RALYL: variants seen among roughly 807,000 people sequenced by gnomAD.
The protein encoded by RALYL is RNA-binding Raly-like protein.
Under a neutral mutation model 35.1 loss-of-function variants are expected in RALYL, and 29 were observed. That is an observed-to-expected ratio of 0.83 (90% CI 0.61 to 1.13). The LOEUF is 1.13. Among genes scored for constraint, RALYL ranks in the 50% most tolerant of loss-of-function variants. The pLI is 0.00. For synonymous variants in RALYL, 120 were observed against 127.6 expected (o/e 0.94, Z 0.40); for missense variants, 359 against 360.4 (o/e 1.00, Z 0.03).
intron 1 of RALYL, among the ~76,000 whole-genome samples, chr8:84,428,073 C>T (rs1372081762): frequency 1.2e-4 from 17 of 145,548 alleles, no homozygotes; most frequent in Admixed American, 6.9e-4. Context: ...TGCGCTTGCT[C>T]GCTGTCTCTC....
At chr8:84,309,824 G>T (rs1308635386) in intron 1 of RALYL, among the ~76,000 whole-genome samples, 1 of 152,106 alleles carries the variant, frequency 6.6e-6, no homozygotes, top group Non-Finnish European at 1.5e-5. Flanking sequence ...GTCTCCCATT[G>T]TCACTCAGTC....
At chr8:84,534,345 G>A (rs2059461903) in intron 2 of RALYL, among the ~76,000 whole-genome samples, 1 of 152,186 alleles carries the variant, frequency 6.6e-6, no homozygotes, top group Non-Finnish European at 1.5e-5. Flanking sequence ...TGAAATTTCA[G>A]TACTTTAGTG....
At chr8:84,739,320 G>T (rs1214021042) in intron 2 of RALYL, among the ~76,000 whole-genome samples, 1 of 151,632 alleles carries the variant, frequency 6.6e-6, no homozygotes, top group Admixed American at 6.6e-5. Flanking sequence ...AGCTATCACA[G>T]ATCTTAGCCA....
intron 1 of RALYL, among the ~76,000 whole-genome samples, chr8:84,290,504 G>A (rs1838564398): frequency 6.6e-6 from 1 of 150,896 alleles, no homozygotes. Flanking sequence ...GGAGTGGGGG[G>A]TCACAAGGTG....
In RALYL at chr8:84,356,268, G is replaced by A. The variant is rs76338762; in HGVS notation, c.-24+171844G>A. 2.0e-3 allele frequency among the ~76,000 whole-genome samples: 308 copies of A among 150,362 alleles called. 5 individuals are homozygous for A. The East Asian group carries it at 0.054, about 26-fold the overall frequency. Reference sequence around the variant, plus strand: ...TACATAGGTAATAACCAGGTTTGAAGGTAGGATATTAAATTCAGTTTTGTA... The same window carrying A: ...TACATAGGTAATAACCAGGTTTGAAAGTAGGATATTAAATTCAGTTTTGTA... On this transcript the variant is annotated intron_variant, in intron 1 of 8. Transcript: ENST00000521268.
intron 1 of RALYL, among the ~76,000 whole-genome samples, chr8:84,272,255 G>A (rs1586685738): frequency 6.6e-6 from 1 of 151,982 alleles, no homozygotes; most frequent in Non-Finnish European, 1.5e-5. Context: ...ACTATGCCCA[G>A]CTAATTTTTT....
intron 8 of RALYL, among the ~76,000 whole-genome samples, chr8:84,907,774 CTT>C (rs1846779337): frequency 6.6e-6 from 1 of 152,122 alleles, no homozygotes; most frequent in East Asian, 1.9e-4. Context: ...TTACACTAAA[CTT>C]TAGTTCACTC....
rs899202980 is a variant in RALYL, at chr8:84,748,376, G to A, written c.257-26203G>A. ...ATATGGATGAAAGATGGATAAGATA[G>A]GAGAGTAGCAGCTCAGATGAAAAAT... On this transcript the variant is annotated intron_variant, in intron 2 of 8. Coordinates refer to ENST00000521268, the MANE Select transcript of RALYL (RefSeq NM_173848.7). Among the ~76,000 whole-genome samples the A allele has an allele frequency of 1.2e-4, 18 of 152,010 alleles. 1 individual carries two copies. Among genetic ancestry groups the A allele is most frequent in the Admixed American group, 2.0e-4 (3 of 15,260 alleles).
At chr8:84,184,618 C>G (rs998785916) in intron 1 of RALYL, among the ~76,000 whole-genome samples, 194 bp downstream of exon 1, 1 of 152,098 alleles carries the variant, frequency 6.6e-6, no homozygotes, top group Non-Finnish European at 1.5e-5. Flanking sequence ...GCTTCAGGAT[C>G]GTTTTCTAGA....
chr8:84,214,993 C>A (rs910807947), intron 1 of RALYL, among the ~76,000 whole-genome samples: 1 of 151,948 alleles, frequency 6.6e-6, no homozygotes, highest in African/African-American at 2.4e-5. Context: ...GCAAGCTCCA[C>A]CTCCTGGGTT....
At chr8:84,903,200 C>A (rs1845966495) in intron 8 of RALYL, among the ~76,000 whole-genome samples, 1 of 151,846 alleles carries the variant, frequency 6.6e-6, no homozygotes, top group Non-Finnish European at 1.5e-5. Flanking sequence ...AGTGTAACAC[C>A]AAATCATTTG....
At position 84,534,198 on chromosome 8, in the gene RALYL, G is replaced by A. The variant is rs536121284; in HGVS notation, c.256+4621G>A. On this transcript the variant is annotated intron_variant, in intron 2 of 8. Transcript: ENST00000521268. ...TCTTTCAGTTCTTTGAACAACTTGTGTTCTATCGCCCAACAGGGCCTGTGC... is the reference window on the plus strand; with the variant it reads ...TCTTTCAGTTCTTTGAACAACTTGTATTCTATCGCCCAACAGGGCCTGTGC... 2.3e-4 allele frequency among the ~76,000 whole-genome samples: 35 copies of A among 152,354 alleles called. 1 individual carries two copies. In the South Asian group the frequency reaches 7.0e-3, roughly 31 times the overall value.
At chr8:84,745,891 AAGGACAGCTAGC>A (rs901174395) in intron 2 of RALYL, among the ~76,000 whole-genome samples, 1 of 151,928 alleles carries the variant, frequency 6.6e-6, no homozygotes, top group Non-Finnish European at 1.5e-5. Flanking sequence ...TTCCCCTTCC[AAGGACAGCTAGC>A]ATCATGGTTC....
intron 1 of RALYL, among the ~76,000 whole-genome samples, chr8:84,234,912 G>A (rs944342039): frequency 6.6e-6 from 1 of 151,796 alleles, no homozygotes; most frequent in Non-Finnish European, 1.5e-5. Flanking sequence ...CTACAGGTGG[G>A]CGCGACCATG....
At chr8:84,719,104 G>A (rs962405219) in intron 2 of RALYL, among the ~76,000 whole-genome samples, 1 of 151,966 alleles carries the variant, frequency 6.6e-6, no homozygotes, top group Non-Finnish European at 1.5e-5. Flanking sequence ...CTTTGTTATG[G>A]ATTCCTCTGT....
intron 1 of RALYL, among the ~76,000 whole-genome samples, chr8:84,302,315 G>T (rs1840954481): frequency 1.3e-5 from 2 of 151,802 alleles, no homozygotes; most frequent in Non-Finnish European, 2.9e-5. Flanking sequence ...CCTTTCCTTG[G>T]TCCCTTATTC....
intron 4 of RALYL, among the ~76,000 whole-genome samples, chr8:84,809,736 C>T (rs1341858284): frequency 1.3e-5 from 2 of 152,016 alleles, no homozygotes; most frequent in East Asian, 1.9e-4. Flanking sequence ...AGGAATTTAT[C>T]CATCTGTTCT....
chr8:84,710,185 C>A (rs895230777), intron 2 of RALYL, among the ~76,000 whole-genome samples: 5 of 152,152 alleles, frequency 3.3e-5, no homozygotes, highest in Non-Finnish European at 7.4e-5. Flanking sequence ...CACCTTCACA[C>A]CTCTCTGTTG....
At chr8:84,445,400 A>T (rs1315092025) in intron 1 of RALYL, among the ~76,000 whole-genome samples, 1 of 151,962 alleles carries the variant, frequency 6.6e-6, no homozygotes, top group Non-Finnish European at 1.5e-5. Flanking sequence ...ATTTAGAAGG[A>T]TATCTAATAT....
Sources: allele counts gnomAD v4.1 joint callset (sites outside exome capture counted in the v4.1 genomes callset), GRCh38; gene constraint gnomAD v4.1.1; transcripts MANE v1.5; gene names NCBI Gene and HGNC (gene_info 2026-07-23, HGNC 2026-07-21).